PAK4: variants seen among roughly 807,000 people sequenced by gnomAD.
PAK4 encodes serine/threonine-protein kinase PAK 4.
PAK4 carries 49 observed loss-of-function variants against 53.5 expected under a neutral mutation model. The ratio of observed to expected loss-of-function variants is 0.92; its 90% CI spans 0.73 to 1.16. The LOEUF (loss-of-function observed/expected upper bound fraction) is 1.16, where lower values mean the gene tolerates loss of function less well. Ranked by LOEUF, PAK4 falls within the 50% of genes most tolerant of loss-of-function variation. The probability of loss-of-function intolerance (pLI) is 0.00; values close to 1 mark genes in which losing one functional copy is unlikely to be tolerated. For synonymous variants in PAK4, 376 were observed against 375.6 expected (o/e 1.00, Z -0.01); for missense variants, 824 against 850.7 (o/e 0.97, Z 0.39).
At chr19:39,149,707 T>A (rs1405941394) in intron 1 of PAK4, among the ~76,000 whole-genome samples, 2 of 151,936 alleles carry the variant, frequency 1.3e-5, no homozygotes, top group Non-Finnish European at 2.9e-5. Flanking sequence ...ATATAAAAAA[T>A]TAGCTGGGCG....
chr19:39,181,838 T>G (rs956955792), downstream of PAK4: 1 of 152,220 alleles, frequency 6.6e-6, no homozygotes, highest in Non-Finnish European at 1.5e-5. Flanking sequence ...CAGGGATGGA[T>G]TCGTCCGCCT....
At chr19:39,180,956 C>T (rs979058944), downstream of PAK4, 1 of 152,218 alleles carries the variant, frequency 6.6e-6, no homozygotes, top group African/African-American at 2.4e-5. Flanking sequence ...GCTCTAGGAG[C>T]TCCACTCTCC....
intron 1 of PAK4, among the ~76,000 whole-genome samples, chr19:39,133,399 C>T (rs2073750398): frequency 6.6e-6 from 1 of 152,188 alleles, no homozygotes; most frequent in African/African-American, 2.4e-5. Context: ...AACTAACCTA[C>T]TGGACCCTCC....
chr19:39,136,659 C>G (rs989436255), intron 1 of PAK4, among the ~76,000 whole-genome samples: 1 of 152,216 alleles, frequency 6.6e-6, no homozygotes. Context: ...AACGTAGCCT[C>G]AGGGCATGGG....
chr19:39,152,729 C>T lies in PAK4; in HGVS notation c.-22-16803C>T, dbSNP rs570990679. Among the ~76,000 whole-genome samples the T allele has an allele frequency of 1.6e-4, 24 of 152,256 alleles. No homozygotes were observed. The South Asian group carries it at 4.6e-3, about 29-fold the overall frequency. ...GGGGGGTGGAAGACAGGAACAGAAA[C>T]GTGTTCCAACTGATGGCAATCGGGT... is the stretch of plus-strand genomic sequence containing the variant. On this transcript the variant is annotated intron_variant, in intron 1 of 8. Transcript: ENST00000358301.
chr19:39,131,827 G>A, intron 1 of PAK4, among the ~76,000 whole-genome samples: 1 of 152,146 alleles, frequency 6.6e-6, no homozygotes, highest in East Asian at 1.9e-4. Context: ...CTAGCTGGGA[G>A]CCCCTGGGGA....
rs1456685317 is a variant in PAK4 at position 39,178,700 on chromosome 19, C to T, written c.*121C>T. ...GGGAGATGCTCCGCGTGGCACCACC[C>T]TCCTTGCTGGGGGTAGATGAGACCC... is the stretch of plus-strand genomic sequence containing the variant. On this transcript the variant is annotated 3_prime_UTR_variant, in exon 9 of 9. Transcript: ENST00000358301. The surrounding 1 kb of genome is among the most constrained non-coding windows in gnomAD (Gnocchi z 4.4). The T allele has an allele frequency of 2.3e-6, 2 of 864,684 alleles. No homozygotes were observed. Among genetic ancestry groups the T allele is most frequent in the Non-Finnish European group, 3.5e-6 (2 of 569,496 alleles). The allele number at this position is 864,684 out of a possible 1,614,324, so 53.6% of individuals were successfully genotyped here.
At chr19:39,167,691 C>T (rs924533210) in intron 1 of PAK4, among the ~76,000 whole-genome samples, 1 of 152,118 alleles carries the variant, frequency 6.6e-6, no homozygotes, top group Non-Finnish European at 1.5e-5. Flanking sequence ...CCACCCCCCT[C>T]CCACGGGGCT....
intron 1 of PAK4, among the ~76,000 whole-genome samples, chr19:39,153,950 C>G (rs901322464): frequency 6.6e-6 from 1 of 152,132 alleles, no homozygotes; most frequent in Non-Finnish European, 1.5e-5. Context: ...CTGTATGCAG[C>G]CTGAAGCAGT....
At chr19:39,174,074 C>CCTCCTCCCTCCT (rs1320453889) in intron 4 of PAK4, 64 bp downstream of exon 5, 6 of 976,160 alleles carry the variant, frequency 6.1e-6, no homozygotes, top group South Asian at 1.6e-5. Flanking sequence ...CCCTCCCTCC[C>CCTCCTCCCTCCT]CTCCTCCCTC....
rs74559237 is a variant in PAK4 at position 39,137,983 on chromosome 19, G to GT, written c.-23+12080dup. On this transcript the variant is annotated intron_variant, in intron 1 of 8. Coordinates refer to ENST00000358301, the Ensembl canonical transcript of PAK4. ...GCCTAGTGTCTTAGCCATTCCTGAG[G>GT]TTTTTTTTTTTTTTTTGAGACAGGG... Among the ~76,000 whole-genome samples the GT allele has an allele frequency of 4.3e-3, 552 of 128,604 alleles. 1 individual carries two copies. Among genetic ancestry groups the GT allele is most frequent in the Middle Eastern group, 5.0e-3 (1 of 200 alleles). The allele number at this position is 128,604 out of a possible 152,430, so 84.4% of individuals were successfully genotyped here.
chr19:39,145,939 C>G (rs537288153), intron 1 of PAK4, among the ~76,000 whole-genome samples: 1 of 152,188 alleles, frequency 6.6e-6, no homozygotes, highest in Non-Finnish European at 1.5e-5. Flanking sequence ...TCTAGCTGGA[C>G]GGCCCTGGGC....
intron 1 of PAK4, among the ~76,000 whole-genome samples, chr19:39,137,518 C>G (rs2073837570): frequency 6.6e-6 from 1 of 152,162 alleles, no homozygotes; most frequent in South Asian, 2.1e-4. Context: ...GGCACCAATG[C>G]TAAGTCCTTC....
downstream of PAK4, chr19:39,180,981 C>T (rs1030843391): frequency 6.6e-6 from 1 of 152,252 alleles, no homozygotes; most frequent in Non-Finnish European, 1.5e-5. Context: ...GAAGAAACCA[C>T]GGGCTCAGAG....
At position 39,178,394 on chromosome 19, in the gene PAK4, G is replaced by A. The variant is rs532534295; in HGVS notation, c.1621-30G>A. The A allele has an allele frequency of 1.3e-5, 21 of 1,559,850 alleles. No homozygotes were observed. In the Admixed American group the frequency reaches 2.1e-4, roughly 16 times the overall value. On this transcript the variant is annotated intron_variant, in intron 8 of 8. Transcript: ENST00000358301. This position sits in a 1 kb window ranked among gnomAD's most constrained non-coding sequence, Gnocchi z 4.4. ...CAGCAAATGAACAGTGGGGAGCCTCGCCCCCTGACCCTCCCCTCCTTCTCG... is the reference window on the plus strand; with the variant it reads ...CAGCAAATGAACAGTGGGGAGCCTCACCCCCTGACCCTCCCCTCCTTCTCG...
chr19:39,148,254 A>T (rs1028503136), intron 1 of PAK4, among the ~76,000 whole-genome samples: 5 of 150,372 alleles, frequency 3.3e-5, no homozygotes, highest in Admixed American at 3.3e-4. Context: ...GCCTGGCGAG[A>T]TCTTTATTCT....
intron 1 of PAK4, among the ~76,000 whole-genome samples, chr19:39,127,239 G>C (rs1020753695): frequency 6.6e-6 from 1 of 151,932 alleles, no homozygotes; most frequent in Non-Finnish European, 1.5e-5. Context: ...GTGGTCCTTA[G>C]TCACTCCCAC....
rs376102097 is a variant in PAK4 at position 39,173,257 on chromosome 19, G to A, written c.544G>A (p.Gly182Arg). ...CTCCCGGGACAAACGCCCCCTCTCC[G>A]GGCCTGATGTCGGCACCCCCCAGCC... The change falls in exon 3 of 9, where the codon GGG becomes AGG. Residue 182 changes from glycine to arginine, a missense_variant. Physicochemically the swap from Gly to Arg is moderately radical, Grantham distance 125. Coordinates refer to ENST00000358301, the Ensembl canonical transcript of PAK4. This position sits in a 1 kb window ranked among gnomAD's most constrained non-coding sequence, Gnocchi z 6.9. 1.2e-4 allele frequency: 187 copies of A among 1,593,818 alleles called. 2 individuals are homozygous for A. The highest frequency in any genetic ancestry group is 1.1e-3 in the South Asian group (99 of 87,910).
At position 39,174,976 on chromosome 19, in the gene PAK4, TAC is replaced by T. The variant is rs2074571914; in HGVS notation, c.1146_1147del (p.Tyr382Ter). 1 of 1,613,738 alleles carries T rather than the reference TAC, an allele frequency of 6.2e-7. No individual in the cohort carries two copies. The highest frequency in any genetic ancestry group is 8.5e-7 in the Non-Finnish European group (1 of 1,179,940). On this transcript the variant is annotated frameshift_variant, in exon 5 of 9. Transcript: ENST00000358301. LOFTEE classifies it high-confidence loss of function. ...CCAGCACGAGAATGTGGTGGAGATG[TAC>T]AACAGCTACCTGGTGGGGGACGAGC...
Sources: allele counts gnomAD v4.1 joint callset (sites outside exome capture counted in the v4.1 genomes callset), GRCh38; gene constraint gnomAD v4.1.1; non-coding constraint Gnocchi (gnomAD v3.1); transcripts MANE v1.5; gene names NCBI Gene and HGNC (gene_info 2026-07-23, HGNC 2026-07-21).